CPLX2: variants seen among roughly 807,000 people sequenced by gnomAD.
CPLX2 encodes complexin-2.
Under a neutral mutation model 16.3 loss-of-function variants are expected in CPLX2, and 5 were observed. That is an observed-to-expected ratio of 0.31 (90% confidence interval 0.16 to 0.64). CPLX2 has a LOEUF of 0.64. Ranked by LOEUF, CPLX2 falls within the 30% of genes least tolerant of loss-of-function variation. The probability of loss-of-function intolerance (pLI) is 0.79; values close to 1 mark genes in which losing one functional copy is unlikely to be tolerated. For missense variants in CPLX2, 144 were observed against 181.4 expected (o/e 0.79, Z 1.18); for synonymous variants, 89 against 73.2 (o/e 1.22, Z -1.10).
At chr5:175,797,359 C>T (rs1581062036) in intron 1 of CPLX2, among the ~76,000 whole-genome samples, 1 of 150,460 alleles carries the variant, frequency 6.6e-6, no homozygotes, top group African/African-American at 2.4e-5. Flanking sequence ...GAGGCCTGGC[C>T]GTGCAATGGC....
chr5:175,799,950 C>A (rs1425827615), intron 1 of CPLX2, among the ~76,000 whole-genome samples: 1 of 152,076 alleles, frequency 6.6e-6, no homozygotes, highest in Non-Finnish European at 1.5e-5. Context: ...CAGTCAGAAG[C>A]CCAGATCTCA....
At chr5:175,871,834 G>A (rs2113705438) in intron 1 of CPLX2, 129 bp downstream of exon 1, 1 of 152,636 alleles carries the variant, frequency 6.6e-6, no homozygotes, top group African/African-American at 2.4e-5. Flanking sequence ...AGCTCCCCAA[G>A]GCTGCCTGGG....
rs1755496483 is a variant in CPLX2, at chr5:175,879,090, T to C, written c.207+7T>C. On this transcript the variant is annotated splice_region_variant and intron_variant, in intron 3 of 3. Transcript: ENST00000393745. Reference sequence around the variant, plus strand: ...GCAGCAGATCCGAGATAAGGTCAGCTCCGCCCGCCCGCCCGTCCTGGGGAG... The same window carrying C: ...GCAGCAGATCCGAGATAAGGTCAGCCCCGCCCGCCCGCCCGTCCTGGGGAG... 1 of 1,558,198 alleles carries C rather than the reference T, an allele frequency of 6.4e-7. No homozygotes were observed. Among genetic ancestry groups the C allele is most frequent in the African/African-American group, 1.4e-5 (1 of 73,372 alleles).
chr5:175,804,703 ACCCC>A (rs922211933), intron 1 of CPLX2, among the ~76,000 whole-genome samples: 1 of 151,926 alleles, frequency 6.6e-6, no homozygotes, highest in Non-Finnish European at 1.5e-5. Context: ...TTTTAACAAG[ACCCC>A]CCGGTGATTG....
At position 175,809,096 on chromosome 5, in the gene CPLX2, C is replaced by T. The variant is rs1472815020; in HGVS notation, c.-89+28C>T. ...AAGGGCACTGCTCAGCACTAAAGCC[C>T]TGGATAGTGTTCAGGGCATCCCCTC... On this transcript the variant is annotated intron_variant, in intron 2 of 4. Transcript: ENST00000359546. The surrounding 1 kb of genome is among the most constrained non-coding windows in gnomAD (Gnocchi z 4.4). 1 of 152,292 alleles carries T rather than the reference C, an allele frequency of 6.6e-6. No homozygotes were observed. The highest frequency in any genetic ancestry group is 2.4e-5 in the African/African-American group (1 of 41,438). 9.4% of individuals were successfully genotyped at this position (152,292 alleles called of 1,614,324 possible).
intron 2 of CPLX2, among the ~76,000 whole-genome samples, chr5:175,831,554 T>C (rs982031799): frequency 2.0e-5 from 3 of 152,166 alleles, no homozygotes; most frequent in Non-Finnish European, 4.4e-5. Flanking sequence ...GTGTCTCTGT[T>C]ATGGGCTCTG....
chr5:175,803,848 C>T (rs1464534491), intron 1 of CPLX2, among the ~76,000 whole-genome samples: 1 of 152,214 alleles, frequency 6.6e-6, no homozygotes, highest in Admixed American at 6.5e-5. Flanking sequence ...AAGGGGCAGG[C>T]CAAGTGATGC....
intron 1 of CPLX2, among the ~76,000 whole-genome samples, chr5:175,876,786 A>G (rs186651884): frequency 4.3e-4 from 65 of 152,298 alleles, no homozygotes; most frequent in African/African-American, 1.5e-3. Context: ...GTAGGAACCC[A>G]AGAGTTTCTG....
At chr5:175,817,327 G>T (rs921896316) in intron 2 of CPLX2, among the ~76,000 whole-genome samples, 1 of 152,146 alleles carries the variant, frequency 6.6e-6, no homozygotes, top group Non-Finnish European at 1.5e-5. Context: ...CAGCTTTATC[G>T]CCTGTCTAAT....
chr5:175,856,554 G>A (rs1759261072), intron 2 of CPLX2, among the ~76,000 whole-genome samples: 2 of 152,226 alleles, frequency 1.3e-5, no homozygotes, highest in Admixed American at 1.3e-4. Flanking sequence ...GACAGAGCAG[G>A]TTTCCAAGGA....
chr5:175,871,410 G>GGAGAGA (rs72487413), upstream of CPLX2: 10 of 28,690 alleles, frequency 3.5e-4, no homozygotes, highest in Admixed American at 5.5e-4. Context: ...AAGAGAGAGA[G>GGAGAGA]GAGAGAGAGA....
chr5:175,871,412 AG>A (rs1218872147), upstream of CPLX2: 7 of 28,406 alleles, frequency 2.5e-4, no homozygotes, highest in African/African-American at 8.8e-5. Context: ...GAGAGAGAGG[AG>A]AGAGAGAGAG....
intron 2 of CPLX2, among the ~76,000 whole-genome samples, chr5:175,825,951 A>AAAAAG (rs1758606786): frequency 6.6e-6 from 1 of 151,060 alleles, no homozygotes; most frequent in African/African-American, 2.4e-5. Flanking sequence ...AAAAAAAAAA[A>AAAAAG]AAAAAAAAGC....
chr5:175,802,523 C>T (rs1180709957), intron 1 of CPLX2, among the ~76,000 whole-genome samples: 2 of 152,194 alleles, frequency 1.3e-5, no homozygotes, highest in South Asian at 2.1e-4. Context: ...TCTGACTCGT[C>T]GGAAGCTGCG....
At chr5:175,802,115 G>A (rs1345927320) in intron 1 of CPLX2, among the ~76,000 whole-genome samples, 1 of 152,314 alleles carries the variant, frequency 6.6e-6, no homozygotes, top group Non-Finnish European at 1.5e-5. Context: ...GAAAATATTT[G>A]TGGGGTACAT....
At chr5:175,831,337 G>T (rs188769178) in intron 2 of CPLX2, among the ~76,000 whole-genome samples, 1 of 152,290 alleles carries the variant, frequency 6.6e-6, no homozygotes, top group Admixed American at 6.5e-5. Flanking sequence ...GAAGGGACTT[G>T]CTCAAGGCCA....
chr5:175,862,224 C>A (rs905508569), intron 2 of CPLX2, among the ~76,000 whole-genome samples: 1 of 152,206 alleles, frequency 6.6e-6, no homozygotes, highest in South Asian at 2.1e-4. Flanking sequence ...GGACTCCCTC[C>A]TCTTCAGTGA....
rs1758704204 is a variant in CPLX2, at chr5:175,830,039, GTC to G, written c.-89+20978_-89+20979del. ...GCCAGTCACAGGTCACTGCCTAGCG[GTC>G]TCTCTCATCCACCAGCGTGGCTGCG... On this transcript the variant is annotated intron_variant, in intron 2 of 4. Transcript: ENST00000359546. The surrounding 1 kb of genome is among the most constrained non-coding windows in gnomAD (Gnocchi z 4.0). 6.6e-6 allele frequency among the ~76,000 whole-genome samples: 1 copy of G among 152,186 alleles called. No individual in the cohort carries two copies.
intron 2 of CPLX2, among the ~76,000 whole-genome samples, chr5:175,831,023 T>A (rs1483931973): frequency 6.6e-6 from 1 of 152,116 alleles, no homozygotes; most frequent in Non-Finnish European, 1.5e-5. Context: ...TGTCTCCATA[T>A]CCTATGCAGG....
Sources: allele counts gnomAD v4.1 joint callset (sites outside exome capture counted in the v4.1 genomes callset), GRCh38; gene constraint gnomAD v4.1.1; non-coding constraint Gnocchi (gnomAD v3.1); transcripts MANE v1.5; gene names NCBI Gene and HGNC (gene_info 2026-07-23, HGNC 2026-07-21).